ACY3: variants seen among roughly 807,000 people sequenced by gnomAD.
ACY3 encodes aminoacylase 3, also known as N-acyl-aromatic-L-amino acid amidohydrolase (carboxylate-forming).
A neutral mutation model predicts 24.6 loss-of-function variants in ACY3; 20 were observed. The ratio of observed to expected loss-of-function variants is 0.81; its 90% CI spans 0.57 to 1.18. The LOEUF (loss-of-function observed/expected upper bound fraction) is 1.18, where lower values mean the gene tolerates loss of function less well. ACY3 is among the 50% of genes most tolerant of loss of function. The pLI is 0.00. For synonymous variants in ACY3, 174 were observed against 188.4 expected, an observed-to-expected ratio of 0.92 and a Z score of 0.62; for missense variants, 423 against 426.8, an observed-to-expected ratio of 0.99 and a Z score of 0.08.
rs770588590 is a variant in ACY3, at chr11:67,645,346, A to G, written c.467T>C (p.Leu156Pro). 5 of 1,613,604 alleles carry G rather than the reference A, an allele frequency of 3.1e-6. No homozygotes were observed. The highest frequency in any genetic ancestry group is 1.7e-5 in the Admixed American group (1 of 59,996). Residue 156 changes from leucine to proline, a missense_variant, in exon 5 of 8, where the codon CTG becomes CCG. Physicochemically the swap from Leu to Pro is moderately conservative, Grantham distance 98 (BLOSUM62 -3). Coordinates refer to ENST00000255082, the MANE Select transcript of ACY3 (RefSeq NM_080658.2). The stretch of plus-strand genomic sequence containing the variant: ...GCTCTCCTCCCCAGACCGCTGGTAC[A>G]GGAAGACCTGGCAGGACAGCTCGGG... ...QYPELSCQVF[L>P]YQRSGEESYN...
At chr11:67,644,954 T>C in intron 6 of ACY3, 85 bp from the exon 7 acceptor site, 1 of 1,586,450 alleles carries the variant, frequency 6.3e-7, no homozygotes, top group South Asian at 1.1e-5. Flanking sequence ...CAGGGCTAGA[T>C]CCCAGCCTGC....
chr11:67,643,258 T>C (rs1407240046), intron 7 of ACY3, among the ~76,000 whole-genome samples: 1 of 152,274 alleles, frequency 6.6e-6, no homozygotes, highest in Non-Finnish European at 1.5e-5. Flanking sequence ...AACCTCTGTT[T>C]CTCAGCTTTC....
Position 67,645,117 on chromosome 11 carries a change from G to A in ACY3, c.562C>T (p.Arg188Trp), listed in dbSNP as rs373507767. 13 of 1,613,516 alleles carry A rather than the reference G, an allele frequency of 8.1e-6. No homozygotes were observed. In the East Asian group the frequency reaches 8.9e-5, roughly 11 times the overall value. Residue 188 changes from arginine to tryptophan, a missense_variant, in exon 6 of 8, where the codon CGG becomes TGG. Arg to Trp is a moderately radical substitution (Grantham distance 101, BLOSUM62 -3). Coordinates refer to ENST00000255082, the MANE Select transcript of ACY3 (RefSeq NM_080658.2). Reference protein sequence around the residue: ...ELGPQPQGVLRADIFSRMRTL... With the variant: ...ELGPQPQGVLWADIFSRMRTL... ...CTCATCCTTGAGAAAATGTCAGCCC[G>A]CAGCACACCCTGTGGCTGGGGGCCC...
rs765186959 is a variant in ACY3 at position 67,645,279 on chromosome 11, C to T, written c.526+8G>A. ...GCCCCGCCCACTTCTCAGAAGGCTG[C>T]GGCCCACCCAGTCCATTTTTGGCCA... is the stretch of plus-strand genomic sequence containing the variant. On this transcript the variant is annotated splice_region_variant and intron_variant, in intron 5 of 7. Transcript: ENST00000255082. 3.8e-5 allele frequency: 61 copies of T among 1,613,110 alleles called. No homozygotes were observed. Among genetic ancestry groups the T allele is most frequent in the Non-Finnish European group, 4.6e-5 (54 of 1,179,836 alleles).
chr11:67,646,390 T>C (rs1855517528), intron 3 of ACY3, among the ~76,000 whole-genome samples: 1 of 152,186 alleles, frequency 6.6e-6, no homozygotes, highest in Non-Finnish European at 1.5e-5. Flanking sequence ...TTCCTCTGTC[T>C]CCCCATTAAG....
intron 7 of ACY3, among the ~76,000 whole-genome samples, chr11:67,644,529 G>A (rs761889260): frequency 1.3e-5 from 2 of 152,186 alleles, no homozygotes; most frequent in Non-Finnish European, 2.9e-5. Context: ...GGATCACTGT[G>A]GCCTCTTGTG....
rs910701619 is a variant in ACY3, at chr11:67,650,617, G to C, written c.-129C>G. ...CCCAGAGGGTTGAGGGTGACTCCCG[G>C]GGATCTTCTGCTTGCTGCGTGGCCC... On this transcript the variant is annotated 5_prime_UTR_variant, in exon 1 of 8. Transcript: ENST00000255082. 6.6e-6 allele frequency: 1 copy of C among 152,176 alleles called. No individual in the cohort carries two copies. The highest frequency in any genetic ancestry group is 1.5e-5 in the Non-Finnish European group (1 of 68,050). The allele number at this position is 152,176 out of a possible 1,614,324, so 9.4% of individuals were successfully genotyped here.
chr11:67,649,919 C>T (rs1192195860), intron 1 of ACY3, among the ~76,000 whole-genome samples: 1 of 144,894 alleles, frequency 6.9e-6, no homozygotes, highest in Admixed American at 6.8e-5. Context: ...CGTGCATGTG[C>T]GTGAGCATGT....
intron 7 of ACY3, 143 bp downstream of exon 7, chr11:67,644,617 G>A (rs1331431865): frequency 1.3e-6 from 1 of 759,554 alleles, no homozygotes; most frequent in Admixed American, 2.5e-5. Flanking sequence ...CTCCCATCCT[G>A]CTCCTCAACC....
intron 2 of ACY3, 117 bp downstream of exon 2, chr11:67,647,397 GAA>G (rs1391461936): frequency 8.9e-6 from 2 of 224,564 alleles, no homozygotes; most frequent in Non-Finnish European, 1.7e-5. Flanking sequence ...GTGGGGAGTG[GAA>G]AGTGTCACCA....
chr11:67,644,495 T>G (rs547411529), intron 7 of ACY3, among the ~76,000 whole-genome samples: 1 of 152,150 alleles, frequency 6.6e-6, no homozygotes, highest in South Asian at 2.1e-4. Context: ...GTTGTCTCCA[T>G]CATGCCCTCC....
chr11:67,644,941 C>T (rs1855482428), intron 6 of ACY3, 72 bp from the exon 7 acceptor site: 8 of 1,585,168 alleles, frequency 5.0e-6, no homozygotes, highest in African/African-American at 2.7e-5. Context: ...CGTGGGGGTA[C>T]GTCAGGGCTA....
At chr11:67,645,636 GC>G (rs1223680514) in intron 4 of ACY3, 55 bp downstream of exon 4, 1 of 1,530,444 alleles carries the variant, frequency 6.5e-7, no homozygotes, top group African/African-American at 1.4e-5. Context: ...TGTCCCGCCT[GC>G]CCTCCCTCCC....
intron 7 of ACY3, among the ~76,000 whole-genome samples, chr11:67,643,431 G>A (rs915210990): frequency 1.3e-5 from 2 of 152,218 alleles, no homozygotes; most frequent in Admixed American, 1.3e-4. Flanking sequence ...TGTAATCCCA[G>A]CACTTTGGGA....
Position 67,642,674 on chromosome 11 carries a change from G to C in ACY3, c.*50C>G. The C allele has an allele frequency of 6.3e-7, 1 of 1,580,418 alleles. No homozygotes were observed. Among genetic ancestry groups the C allele is most frequent in the South Asian group, 1.1e-5 (1 of 90,320 alleles). On this transcript the variant is annotated 3_prime_UTR_variant, in exon 8 of 8. Transcript: ENST00000255082. ...CCTCTGTGCTCAGAGCTGTGCCTCA[G>C]GACCCATCGTTCAGATGGGAAGACT... is the stretch of plus-strand genomic sequence containing the variant.
intron 7 of ACY3, 55 bp downstream of exon 7, chr11:67,644,705 G>A: frequency 6.7e-7 from 1 of 1,485,350 alleles, no homozygotes; most frequent in African/African-American, 1.4e-5. Context: ...TCCTCCCCAA[G>A]GCTGTGGCCC....
At chr11:67,649,845 CGT>C (rs1855593034) in intron 1 of ACY3, among the ~76,000 whole-genome samples, 2 of 145,518 alleles carry the variant, frequency 1.4e-5, no homozygotes, top group Admixed American at 6.8e-5. Flanking sequence ...TACATGTGTG[CGT>C]GTGTGCATGA....
At chr11:67,645,529 GGGGC>G in intron 4 of ACY3, 149 bp from the exon 5 acceptor site, 1 of 1,228,684 alleles carries the variant, frequency 8.1e-7, no homozygotes, top group East Asian at 2.5e-5. Context: ...GGGGGTACCG[GGGGC>G]CTGGAGTGCT....
At chr11:67,648,629 G>A (rs1057197941) in intron 1 of ACY3, among the ~76,000 whole-genome samples, 3 of 152,110 alleles carry the variant, frequency 2.0e-5, no homozygotes, top group Non-Finnish European at 4.4e-5. Flanking sequence ...GGGTCTCCCC[G>A]GGCCAGTCCA....
Sources: allele counts gnomAD v4.1 joint callset (sites outside exome capture counted in the v4.1 genomes callset), GRCh38; gene constraint gnomAD v4.1.1; transcripts MANE v1.5; gene names NCBI Gene and HGNC (gene_info 2026-07-23, HGNC 2026-07-21).